PKIA: variants seen among roughly 807,000 people sequenced by gnomAD.
PKIA encodes cAMP-dependent protein kinase inhibitor alpha.
Under a neutral mutation model 7.6 loss-of-function variants are expected in PKIA, and 4 were observed. The observed-to-expected ratio is 0.52, with a 90% confidence interval of 0.26 to 1.20. The LOEUF (loss-of-function observed/expected upper bound fraction) is 1.20. Among genes scored for constraint, PKIA ranks in the 50% most tolerant of loss-of-function variants. PKIA has a pLI of 0.13. For synonymous variants in PKIA, 21 were observed against 30.7 expected (o/e 0.68, Z 1.04); for missense variants, 73 against 86.2 (o/e 0.85, Z 0.61).
chr8:78,574,185 T>C (rs896404911), intron 2 of PKIA, among the ~76,000 whole-genome samples: 4 of 152,044 alleles, frequency 2.6e-5, no homozygotes, highest in African/African-American at 9.7e-5. Flanking sequence ...TGATGTTTAA[T>C]GCATATATAC....
intron 2 of PKIA, among the ~76,000 whole-genome samples, chr8:78,575,624 CAT>C (rs1807657282): frequency 6.6e-6 from 1 of 151,992 alleles, no homozygotes; most frequent in African/African-American, 2.4e-5. Flanking sequence ...TTTATCTTAA[CAT>C]GTGTAACCAC....
chr8:78,548,742 A>G (rs1471804949), intron 1 of PKIA, among the ~76,000 whole-genome samples: 2 of 152,090 alleles, frequency 1.3e-5, no homozygotes, highest in African/African-American at 4.8e-5. Context: ...CTGTTATTCC[A>G]TGTTGACTTA....
At chr8:78,542,375 A>C (rs1806715147) in intron 1 of PKIA, among the ~76,000 whole-genome samples, 1 of 152,118 alleles carries the variant, frequency 6.6e-6, no homozygotes, top group African/African-American at 2.4e-5. Flanking sequence ...CTTTAGCTCC[A>C]GCACCTATAT....
At chr8:78,554,623 T>C (rs984473862) in intron 1 of PKIA, among the ~76,000 whole-genome samples, 4 of 151,804 alleles carry the variant, frequency 2.6e-5, no homozygotes, top group African/African-American at 9.7e-5. Flanking sequence ...CTGCTGAGGA[T>C]TGCAGATGAT....
intron 1 of PKIA, among the ~76,000 whole-genome samples, chr8:78,522,484 G>C (rs1440920072): frequency 6.6e-6 from 1 of 151,776 alleles, no homozygotes; most frequent in African/African-American, 2.4e-5. Context: ...GTAACAGATA[G>C]TATTACTGAA....
Position 78,602,136 on chromosome 8 carries a change from T to C in PKIA, c.*315T>C, listed in dbSNP as rs1252773171. On this transcript the variant is annotated 3_prime_UTR_variant, in exon 4 of 4. Coordinates refer to ENST00000396418, the MANE Select transcript of PKIA (RefSeq NM_006823.4). ...CCGACCTAGATGATGATTCTTCCTG[T>C]AGCATCTGGCCCCTCACAATGTCAG... 3.8e-6 allele frequency: 1 copy of C among 262,282 alleles called. No individual in the cohort carries two copies. The highest frequency in any genetic ancestry group is 2.3e-5 in the African/African-American group (1 of 44,316). 16.2% of individuals were successfully genotyped at this position (262,282 alleles called of 1,614,324 possible).
chr8:78,553,314 A>G (rs1273818454), intron 1 of PKIA, among the ~76,000 whole-genome samples: 1 of 151,960 alleles, frequency 6.6e-6, no homozygotes, highest in Non-Finnish European at 1.5e-5. Context: ...GGAGGCAGAG[A>G]ATCCCGGCTT....
chr8:78,591,247 C>T (rs1015781164), intron 2 of PKIA: 15 of 152,622 alleles, frequency 9.8e-5, no homozygotes, highest in African/African-American at 3.4e-4. Context: ...TAGAATCCAT[C>T]GATGTGGAAC....
At chr8:78,587,210 T>C (rs1342259799) in intron 2 of PKIA, among the ~76,000 whole-genome samples, 3 of 152,112 alleles carry the variant, frequency 2.0e-5, no homozygotes, top group African/African-American at 7.2e-5. Context: ...TAATGAGAGG[T>C]TATAGATTTT....
chr8:78,597,129 T>C (rs76269191), intron 2 of PKIA, among the ~76,000 whole-genome samples: 3,370 of 152,256 alleles, frequency 0.022, 133 homozygotes, highest in African/African-American at 0.078. Context: ...CTTCTGGCTT[T>C]TTTCTTTTTG....
intron 1 of PKIA, among the ~76,000 whole-genome samples, chr8:78,566,796 C>T (rs1807426664): frequency 6.6e-6 from 1 of 152,086 alleles, no homozygotes; most frequent in Admixed American, 6.6e-5. Context: ...TAATCACTGC[C>T]CTCTGAAGTG....
At chr8:78,571,819 G>A (rs1807556140) in intron 1 of PKIA, among the ~76,000 whole-genome samples, 1 of 152,072 alleles carries the variant, frequency 6.6e-6, no homozygotes, top group South Asian at 2.1e-4. Context: ...ATAGGCCAAT[G>A]TGCCTTTCAG....
chr8:78,520,720 T>G (rs1412112158), intron 1 of PKIA, among the ~76,000 whole-genome samples: 1 of 152,190 alleles, frequency 6.6e-6, no homozygotes, highest in Non-Finnish European at 1.5e-5. Flanking sequence ...GATAACTCAG[T>G]AAAGTCTGTA....
intron 1 of PKIA, among the ~76,000 whole-genome samples, chr8:78,524,206 A>G (rs923947335): frequency 7.7e-6 from 1 of 130,366 alleles, no homozygotes; most frequent in Non-Finnish European, 1.5e-5. Flanking sequence ...TTATATTTAT[A>G]TATATATAAA....
chr8:78,591,399 A>G (rs958579421), intron 2 of PKIA: 49 of 152,630 alleles, frequency 3.2e-4, no homozygotes, highest in African/African-American at 1.1e-3. Context: ...TTTTAAAAAG[A>G]AGGCACAAAA....
intron 1 of PKIA, among the ~76,000 whole-genome samples, chr8:78,559,921 C>G (rs1056344127): frequency 6.6e-6 from 1 of 152,168 alleles, no homozygotes; most frequent in Non-Finnish European, 1.5e-5. Flanking sequence ...TCATCTGACT[C>G]TACATTCTCC....
chr8:78,538,046 C>A (rs1193813820), intron 1 of PKIA, among the ~76,000 whole-genome samples: 1 of 151,990 alleles, frequency 6.6e-6, no homozygotes, highest in African/African-American at 2.4e-5. Flanking sequence ...CCTGTGCTGA[C>A]ATATAACCCT....
chr8:78,541,237 T>G (rs1267986721), intron 1 of PKIA, among the ~76,000 whole-genome samples: 1 of 152,120 alleles, frequency 6.6e-6, no homozygotes, highest in African/African-American at 2.4e-5. Flanking sequence ...CTCTCACAAG[T>G]ATTATCCACA....
intron 1 of PKIA, among the ~76,000 whole-genome samples, chr8:78,530,929 T>C (rs1290165720): frequency 6.6e-6 from 1 of 152,112 alleles, no homozygotes; most frequent in Non-Finnish European, 1.5e-5. Flanking sequence ...AACAGGTCAC[T>C]TGTAAGATCT....
Sources: allele counts gnomAD v4.1 joint callset (sites outside exome capture counted in the v4.1 genomes callset), GRCh38; gene constraint gnomAD v4.1.1; transcripts MANE v1.5; gene names NCBI Gene and HGNC (gene_info 2026-07-23, HGNC 2026-07-21).